The following STAU2 variants were observed in gnomAD, a reference collection of about 807,000 sequenced individuals.
STAU2 encodes double-stranded RNA-binding protein Staufen homolog 2.
A neutral mutation model predicts 65.9 loss-of-function variants in STAU2; 20 were observed. The observed-to-expected ratio is 0.30, with a 90% CI of 0.21 to 0.44. The LOEUF is 0.44. STAU2 is among the 20% of genes least tolerant of loss of function. The probability of loss-of-function intolerance (pLI) is 1.00; values close to 1 mark genes in which losing one functional copy is unlikely to be tolerated. For missense variants in STAU2, 558 were observed against 683.9 expected, an observed-to-expected ratio of 0.82 and a Z score of 2.05; for synonymous variants, 232 against 233.9, an observed-to-expected ratio of 0.99 and a Z score of 0.07.
intron 13 of STAU2, among the ~76,000 whole-genome samples, chr8:73,445,929 A>G (rs1818443631): frequency 6.6e-6 from 1 of 152,236 alleles, no homozygotes; most frequent in African/African-American, 2.4e-5. Context: ...AGTTTCATAA[A>G]AAACTAAACA....
intron 10 of STAU2, among the ~76,000 whole-genome samples, chr8:73,597,914 T>C (rs1018243687): frequency 3.3e-5 from 5 of 152,304 alleles, no homozygotes; most frequent in East Asian, 1.9e-4. Flanking sequence ...AATTATGCTA[T>C]TCTTTTCATC....
At chr8:73,636,111 T>C (rs1814492162) in intron 6 of STAU2, among the ~76,000 whole-genome samples, 1 of 152,028 alleles carries the variant, frequency 6.6e-6, no homozygotes, top group African/African-American at 2.4e-5. Context: ...CCTAACACCT[T>C]TGGGAGGCCA....
chr8:73,658,636 C>T (rs557873751), intron 6 of STAU2, among the ~76,000 whole-genome samples: 28 of 152,064 alleles, frequency 1.8e-4, no homozygotes, highest in African/African-American at 6.5e-4. Flanking sequence ...ATACTTATGC[C>T]GGGCATGGTG....
At chr8:73,659,937 C>CT (rs1316903861) in intron 6 of STAU2, among the ~76,000 whole-genome samples, 1 of 152,086 alleles carries the variant, frequency 6.6e-6, no homozygotes, top group African/African-American at 2.4e-5. Flanking sequence ...CGGTAATTAT[C>CT]TTTTTGTTGC....
At chr8:73,562,775 T>A (rs140382664) in intron 12 of STAU2, among the ~76,000 whole-genome samples, 1 of 151,964 alleles carries the variant, frequency 6.6e-6, no homozygotes, top group Admixed American at 6.6e-5. Flanking sequence ...TATGGAAGAA[T>A]CCACAATATT....
At chr8:73,501,680 T>TTGTTTCTCTCTCTG (rs1333712062) in intron 13 of STAU2, among the ~76,000 whole-genome samples, 2 of 152,028 alleles carry the variant, frequency 1.3e-5, no homozygotes, top group East Asian at 3.9e-4. Flanking sequence ...TGTTCTCCCT[T>TTGTTTCTCTCTCTG]ACCCATTAGA....
At chr8:73,636,072 G>C (rs574513936) in intron 6 of STAU2, among the ~76,000 whole-genome samples, 1 of 151,516 alleles carries the variant, frequency 6.6e-6, no homozygotes, top group East Asian at 2.0e-4. Context: ...AAATTTTTTT[G>C]GCCAGGCATA....
At chr8:73,571,529 G>C (rs1430604222) in intron 12 of STAU2, among the ~76,000 whole-genome samples, 1 of 152,136 alleles carries the variant, frequency 6.6e-6, no homozygotes, top group Non-Finnish European at 1.5e-5. Context: ...TAAAAGAACA[G>C]AAATTATAAC....
intron 6 of STAU2, among the ~76,000 whole-genome samples, chr8:73,639,904 G>C (rs1814828672): frequency 1.3e-5 from 2 of 152,018 alleles, no homozygotes; most frequent in Admixed American, 1.3e-4. Context: ...TTTATACACT[G>C]GTAACAGCAT....
chr8:73,673,412 G>T (rs1236731801), intron 5 of STAU2, among the ~76,000 whole-genome samples, 170 bp from the exon 6 acceptor site: 1 of 152,042 alleles, frequency 6.6e-6, no homozygotes, highest in African/African-American at 2.4e-5. Context: ...CAAGAAAATA[G>T]TTCCTAATAA....
intron 11 of STAU2, among the ~76,000 whole-genome samples, chr8:73,593,138 C>T (rs1229833445): frequency 1.3e-5 from 2 of 152,146 alleles, no homozygotes; most frequent in Admixed American, 6.6e-5. Flanking sequence ...TCTACCTTCA[C>T]TGTCTCAGTT....
intron 13 of STAU2, among the ~76,000 whole-genome samples, chr8:73,481,742 T>C (rs938738243): frequency 5.3e-5 from 8 of 152,270 alleles, no homozygotes; most frequent in Admixed American, 3.3e-4. Flanking sequence ...TTAGCTGTGA[T>C]TCTTAAAGGT....
intron 3 of STAU2, among the ~76,000 whole-genome samples, chr8:73,714,455 G>C (rs956490580): frequency 6.6e-6 from 1 of 151,930 alleles, no homozygotes; most frequent in Non-Finnish European, 1.5e-5. Context: ...AAACTACCCA[G>C]GCATCAAACT....
chr8:73,610,993 C>T (rs1207046956), intron 9 of STAU2, among the ~76,000 whole-genome samples: 1 of 152,164 alleles, frequency 6.6e-6, no homozygotes, highest in Admixed American at 6.5e-5. Flanking sequence ...GAAATGAATG[C>T]TGCATCACAG....
At chr8:73,536,255 A>G (rs1806175147) in intron 13 of STAU2, among the ~76,000 whole-genome samples, 1 of 152,160 alleles carries the variant, frequency 6.6e-6, no homozygotes, top group African/African-American at 2.4e-5. Flanking sequence ...TACAGTAGTG[A>G]ATTCCTAAGT....
chr8:73,528,193 A>C (rs1360467272), intron 13 of STAU2, among the ~76,000 whole-genome samples: 1 of 152,146 alleles, frequency 6.6e-6, no homozygotes, highest in Non-Finnish European at 1.5e-5. Flanking sequence ...CTTTGACTCC[A>C]TGTGTATGTG....
intron 12 of STAU2, among the ~76,000 whole-genome samples, chr8:73,568,323 G>C (rs1285461196): frequency 6.6e-6 from 1 of 152,204 alleles, no homozygotes; most frequent in Admixed American, 6.5e-5. Context: ...CAATGATTAA[G>C]CTGGGTGCAG....
intron 5 of STAU2, among the ~76,000 whole-genome samples, chr8:73,681,209 T>C (rs1818404825): frequency 6.6e-6 from 1 of 152,046 alleles, no homozygotes; most frequent in Non-Finnish European, 1.5e-5. Flanking sequence ...TTAAGATCTG[T>C]GAGGCAAAAG....
intron 12 of STAU2, among the ~76,000 whole-genome samples, chr8:73,562,269 T>C (rs1434243342): frequency 6.6e-6 from 1 of 152,218 alleles, no homozygotes; most frequent in East Asian, 1.9e-4. Flanking sequence ...GAGGATCACT[T>C]GAGGCCACAA....
Sources: gnomAD v4.1 joint callset for allele counts (sites outside exome capture counted in the v4.1 genomes callset) on GRCh38, gnomAD v4.1.1 for gene constraint, MANE v1.5 for transcripts, NCBI Gene and HGNC (gene_info 2026-07-23, HGNC 2026-07-21) for gene names.